Variants in PPP1R9A observed in about 807,000 individuals in gnomAD.
PPP1R9A encodes neurabin-1.
A neutral mutation model predicts 141.9 loss-of-function variants in PPP1R9A; 59 were observed. The observed-to-expected ratio is 0.42, with a 90% CI of 0.34 to 0.52. The LOEUF is 0.52. PPP1R9A is among the 20% of genes least tolerant of loss of function. PPP1R9A has a pLI of 0.10. For synonymous variants in PPP1R9A, 500 were observed against 569.7 expected, an observed-to-expected ratio of 0.88 and a Z score of 1.74; for missense variants, 1,444 against 1,611.9, an observed-to-expected ratio of 0.90 and a Z score of 1.78.
intron 5 of PPP1R9A, among the ~76,000 whole-genome samples, chr7:95,182,101 A>G (rs1833945498): frequency 6.6e-6 from 1 of 151,970 alleles, no homozygotes; most frequent in Non-Finnish European, 1.5e-5. Context: ...GGGTGCACCA[A>G]AATCTCACAA....
intron 5 of PPP1R9A, among the ~76,000 whole-genome samples, chr7:95,189,151 C>G (rs1420395119): frequency 1.3e-5 from 2 of 152,086 alleles, no homozygotes; most frequent in Non-Finnish European, 1.5e-5. Flanking sequence ...GCTGAGAAAT[C>G]TGCTGTTAAT....
At chr7:95,131,073 A>G (rs1824520937) in intron 4 of PPP1R9A, among the ~76,000 whole-genome samples, 1 of 152,140 alleles carries the variant, frequency 6.6e-6, no homozygotes, top group Admixed American at 6.5e-5. Context: ...GTGATTTGGC[A>G]GGGGCTGGGG....
chr7:95,218,859 T>G (rs1793943353), intron 7 of PPP1R9A, among the ~76,000 whole-genome samples: 1 of 152,228 alleles, frequency 6.6e-6, no homozygotes, highest in Admixed American at 6.5e-5. Context: ...AGCCTATGTG[T>G]GTCTCTGCAC....
At chr7:95,110,055 A>T (rs773718435) in intron 2 of PPP1R9A, among the ~76,000 whole-genome samples, 4 of 152,168 alleles carry the variant, frequency 2.6e-5, no homozygotes, top group Non-Finnish European at 5.9e-5. Flanking sequence ...GAAAGTCAAG[A>T]AGAAAACAGT....
intron 2 of PPP1R9A, among the ~76,000 whole-genome samples, chr7:94,997,041 C>T (rs1296080126): frequency 1.3e-5 from 2 of 151,920 alleles, no homozygotes; most frequent in Admixed American, 6.6e-5. Context: ...TGACCTCAGG[C>T]GATCCACCTG....
Position 95,023,687 on chromosome 7 carries a change from G to C in PPP1R9A, c.1396-87572G>C, listed in dbSNP as rs147835125. Among the ~76,000 whole-genome samples, 7 of 152,138 alleles carry C rather than the reference G, an allele frequency of 4.6e-5. No homozygotes were observed. In the East Asian group the frequency reaches 1.4e-3, roughly 29 times the overall value. Reference sequence around the variant, plus strand: ...TCCTGCCTCCTTCCTGAGTAGCTGGGACTACAGGCACCCATCACCACACCT... The same window carrying C: ...TCCTGCCTCCTTCCTGAGTAGCTGGCACTACAGGCACCCATCACCACACCT... On this transcript the variant is annotated intron_variant, in intron 2 of 19. Coordinates refer to ENST00000433360, the MANE Select transcript of PPP1R9A (RefSeq NM_001166160.2).
At chr7:95,269,847 G>C (rs541980992) in intron 14 of PPP1R9A, among the ~76,000 whole-genome samples, 2 of 152,006 alleles carry the variant, frequency 1.3e-5, no homozygotes, top group South Asian at 4.2e-4. Flanking sequence ...AATATAGAGC[G>C]ATTTTGTAGA....
At chr7:95,169,468 A>G (rs1372200628) in intron 5 of PPP1R9A, among the ~76,000 whole-genome samples, 2 of 151,894 alleles carry the variant, frequency 1.3e-5, no homozygotes, top group Admixed American at 1.3e-4. Flanking sequence ...ATAAGATTTA[A>G]TGTTCAGTAG....
intron 8 of PPP1R9A, among the ~76,000 whole-genome samples, chr7:95,246,521 G>A (rs1798138921): frequency 6.6e-6 from 1 of 152,084 alleles, no homozygotes; most frequent in Non-Finnish European, 1.5e-5. Flanking sequence ...TTCATGTTTG[G>A]TGGCAAAAAT....
In PPP1R9A at chr7:95,139,230, C is replaced by T. The variant is rs114708486; in HGVS notation, c.1649+18398C>T. Among the ~76,000 whole-genome samples, 1,089 of 152,276 alleles carry T rather than the reference C, an allele frequency of 7.2e-3. 13 individuals are homozygous for T. Among genetic ancestry groups the T allele is most frequent in the African/African-American group, 0.025 (1,022 of 41,558 alleles). ...TTATAGTCATGGCAGAAGGCACCTC[C>T]TCACAGGGCAGCAGGAGAGAGAATG... On this transcript the variant is annotated intron_variant, in intron 4 of 19. Coordinates refer to ENST00000433360, the MANE Select transcript of PPP1R9A (RefSeq NM_001166160.2).
At chr7:95,011,816 G>A (rs1472413937) in intron 2 of PPP1R9A, among the ~76,000 whole-genome samples, 1 of 152,054 alleles carries the variant, frequency 6.6e-6, no homozygotes, top group Admixed American at 6.6e-5. Flanking sequence ...AAAGTTGAAA[G>A]GAATAGCTAA....
At chr7:95,283,971 TATCCGCCCTTTC>T (rs982228962) in intron 16 of PPP1R9A, 35 bp from the exon 17 acceptor site, 5 of 1,445,810 alleles carry the variant, frequency 3.5e-6, no homozygotes, top group Admixed American at 4.1e-5. Context: ...GTAGGTCTTT[TATCCGCCCTTTC>T]TTTATCTAAC....
chr7:95,290,225 G>A lies in PPP1R9A; in HGVS notation c.4047G>A (p.Glu1349=). The part of the protein sequence containing the change: ...EKQREKLRRK[E]QEQMQRKSKK... ...AAAGAGAAAAGCTAAGGAGAAAGGA[G>A]CAAGAGCAAATGCAGAGGAAGTCCA... The change falls in exon 20 of 20, where the codon GAG becomes GAA. Residue 1349 remains glutamate (E), a synonymous_variant. Transcript: ENST00000433360. 3 of 1,613,332 alleles carry A rather than the reference G, an allele frequency of 1.9e-6. No homozygotes were observed. Among genetic ancestry groups the A allele is most frequent in the Non-Finnish European group, 2.5e-6 (3 of 1,179,604 alleles).
intron 2 of PPP1R9A, among the ~76,000 whole-genome samples, chr7:95,108,086 A>C (rs1819819762): frequency 6.6e-6 from 1 of 151,730 alleles, no homozygotes; most frequent in Non-Finnish European, 1.5e-5. Context: ...GCTTTACTGA[A>C]CTCTTATTAG....
chr7:95,071,210 A>T (rs1563194386), intron 2 of PPP1R9A, among the ~76,000 whole-genome samples: 1 of 151,982 alleles, frequency 6.6e-6, no homozygotes, highest in African/African-American at 2.4e-5. Flanking sequence ...TATATTAGTG[A>T]TTTTTTAAAA....
chr7:95,072,310 T>C (rs1358525399), intron 2 of PPP1R9A, among the ~76,000 whole-genome samples: 1 of 144,822 alleles, frequency 6.9e-6, no homozygotes, highest in Non-Finnish European at 1.5e-5. Flanking sequence ...AATAATATTG[T>C]ATTATATAAT....
rs1383934090 is a variant in PPP1R9A at position 94,910,150 on chromosome 7, C to G, written c.37C>G (p.Leu13Val). The part of the protein sequence containing the change: ...KTESSGERTT[L>V]RSASPHRNAY... The stretch of plus-strand genomic sequence containing the variant: ...TGAGTCTTCAGGTGAACGAACCACT[C>G]TCAGAAGTGCCTCTCCTCACAGGAA... Residue 13 changes from leucine to valine, a missense_variant, in exon 2 of 20, where the codon CTC becomes GTC. Leu to Val is a conservative substitution (Grantham distance 32, BLOSUM62 1). Transcript: ENST00000433360. This position sits in a 1 kb window ranked among gnomAD's most constrained non-coding sequence, Gnocchi z 4.5. 1 of 1,613,694 alleles carries G rather than the reference C, an allele frequency of 6.2e-7. No individual in the cohort carries two copies. Among genetic ancestry groups the G allele is most frequent in the Admixed American group, 1.7e-5 (1 of 59,938 alleles).
intron 4 of PPP1R9A, among the ~76,000 whole-genome samples, chr7:95,121,445 C>T (rs1380407259): frequency 8.7e-6 from 1 of 115,080 alleles, no homozygotes; most frequent in Non-Finnish European, 1.9e-5. Context: ...AGCTATTTGT[C>T]TGTCTGTCTG....
intron 8 of PPP1R9A, among the ~76,000 whole-genome samples, chr7:95,230,846 A>G (rs1268744769): frequency 6.6e-6 from 1 of 152,168 alleles, no homozygotes; most frequent in African/African-American, 2.4e-5. Flanking sequence ...ACAATAGCAC[A>G]ATAGAAAAAA....
Sources: allele counts gnomAD v4.1 joint callset (sites outside exome capture counted in the v4.1 genomes callset), GRCh38; gene constraint gnomAD v4.1.1; non-coding constraint Gnocchi (gnomAD v3.1); transcripts MANE v1.5; gene names NCBI Gene and HGNC (gene_info 2026-07-23, HGNC 2026-07-21).